The following CSMD3 variants were observed in gnomAD, a reference collection of about 807,000 sequenced individuals.
The protein encoded by CSMD3 is CUB and sushi domain-containing protein 3.
In CSMD3, 177 loss-of-function variants were observed where a neutral mutation model predicts 435.2. The observed-to-expected ratio is 0.41, with a 90% CI of 0.36 to 0.46. The LOEUF (loss-of-function observed/expected upper bound fraction) is 0.46, where lower values mean the gene tolerates loss of function less well. CSMD3 is among the 20% of genes least tolerant of loss of function. CSMD3 has a pLI of 0.34. For missense variants in CSMD3, 4,265 were observed against 4,504.6 expected, an observed-to-expected ratio of 0.95 and a Z score of 1.52; for synonymous variants, 1,656 against 1,520.5, an observed-to-expected ratio of 1.09 and a Z score of -2.07.
intron 3 of CSMD3, among the ~76,000 whole-genome samples, chr8:113,257,409 T>C (rs1464182772): frequency 6.6e-6 from 1 of 152,030 alleles, no homozygotes; most frequent in Non-Finnish European, 1.5e-5. Context: ...AGACTCTGTC[T>C]CAAAAACAAA....
intron 3 of CSMD3, among the ~76,000 whole-genome samples, chr8:113,187,838 T>C (rs1371419922): frequency 6.6e-6 from 1 of 151,972 alleles, no homozygotes; most frequent in Admixed American, 6.6e-5. Flanking sequence ...TCTCACCTGA[T>C]GATCATGATC....
intron 13 of CSMD3, among the ~76,000 whole-genome samples, chr8:112,774,725 G>C (rs2078204737): frequency 6.6e-6 from 1 of 151,820 alleles, no homozygotes; most frequent in African/African-American, 2.4e-5. Flanking sequence ...GATTCTATTG[G>C]CTTTAAAACC....
At chr8:112,550,312 C>G (rs1294645949) in intron 27 of CSMD3, among the ~76,000 whole-genome samples, 2 of 151,898 alleles carry the variant, frequency 1.3e-5, no homozygotes, top group East Asian at 3.9e-4. Flanking sequence ...AGCAAGTAGT[C>G]ATTTCCTTCC....
At chr8:112,370,344 A>T (rs1469086636) in intron 38 of CSMD3, among the ~76,000 whole-genome samples, 1 of 152,198 alleles carries the variant, frequency 6.6e-6, no homozygotes, top group Non-Finnish European at 1.5e-5. Context: ...AAGAATGCTA[A>T]TTACAATTAT....
chr8:112,434,568 T>C (rs1469277207), intron 32 of CSMD3, among the ~76,000 whole-genome samples: 1 of 152,120 alleles, frequency 6.6e-6, no homozygotes, highest in Non-Finnish European at 1.5e-5. Flanking sequence ...TACTTTGCTT[T>C]TTCCCAGAAT....
At chr8:113,326,195 T>C (rs1485531970) in intron 1 of CSMD3, among the ~76,000 whole-genome samples, 1 of 152,152 alleles carries the variant, frequency 6.6e-6, no homozygotes, top group Non-Finnish European at 1.5e-5. Flanking sequence ...AGACTCCACA[T>C]TTTACGGTTC....
At chr8:113,012,889 A>G (rs1318548992) in intron 6 of CSMD3, among the ~76,000 whole-genome samples, 1 of 152,082 alleles carries the variant, frequency 6.6e-6, no homozygotes, top group East Asian at 1.9e-4. Flanking sequence ...AGAATCATAA[A>G]TACAACTCAT....
chr8:112,619,889 T>C (rs1228840869), intron 22 of CSMD3, among the ~76,000 whole-genome samples: 1 of 151,996 alleles, frequency 6.6e-6, no homozygotes, highest in Non-Finnish European at 1.5e-5. Context: ...TATTATATAA[T>C]ACCCATGAGA....
chr8:112,774,434 G>A (rs770187196), intron 13 of CSMD3, among the ~76,000 whole-genome samples: 7 of 151,924 alleles, frequency 4.6e-5, no homozygotes, highest in Non-Finnish European at 1.0e-4. Context: ...TCCATATAAA[G>A]AGCCCAAATC....
chr8:112,247,182 T>C, intron 63 of CSMD3, 51 bp from the exon 64 acceptor site: 1 of 1,125,458 alleles, frequency 8.9e-7, no homozygotes, highest in African/African-American at 1.5e-5. Flanking sequence ...ACTTCAAATA[T>C]GGCAACAAAC....
intron 11 of CSMD3, among the ~76,000 whole-genome samples, chr8:112,855,981 A>G (rs889376913): frequency 1.3e-5 from 2 of 151,944 alleles, no homozygotes; most frequent in Non-Finnish European, 2.9e-5. Context: ...AAACAAGTAT[A>G]AGAGGGAAAT....
chr8:113,329,774 C>T (rs79110014), intron 1 of CSMD3, among the ~76,000 whole-genome samples: 286 of 151,476 alleles, frequency 1.9e-3, no homozygotes, highest in South Asian at 9.8e-3. Context: ...ATGATTAAGG[C>T]CAAAAGTTGT....
intron 13 of CSMD3, among the ~76,000 whole-genome samples, chr8:112,770,804 T>C (rs569090405): frequency 6.6e-6 from 1 of 152,154 alleles, no homozygotes; most frequent in Non-Finnish European, 1.5e-5. Flanking sequence ...AGAATGAGAC[T>C]TGTAATAAGA....
At chr8:113,053,590 G>A (rs2131335891) in intron 5 of CSMD3, among the ~76,000 whole-genome samples, 1 of 151,938 alleles carries the variant, frequency 6.6e-6, no homozygotes, top group East Asian at 1.9e-4. Flanking sequence ...ATATACTTAT[G>A]AACTTACTTA....
chr8:112,771,501 C>T (rs1217522864), intron 13 of CSMD3, among the ~76,000 whole-genome samples: 8 of 151,242 alleles, frequency 5.3e-5, no homozygotes, highest in East Asian at 2.0e-4. Context: ...ATCGTGCCAA[C>T]GCACTCCAGC....
chr8:113,224,381 A>G (rs575741155), intron 3 of CSMD3, among the ~76,000 whole-genome samples: 1 of 151,386 alleles, frequency 6.6e-6, no homozygotes, highest in Admixed American at 6.6e-5. Flanking sequence ...AACAACAAAC[A>G]TATTTTGTGA....
intron 3 of CSMD3, among the ~76,000 whole-genome samples, chr8:113,248,728 A>G (rs1267826621): frequency 6.6e-6 from 1 of 151,644 alleles, no homozygotes; most frequent in East Asian, 1.9e-4. Flanking sequence ...CACCACACGT[A>G]TAATACACAT....
chr8:112,356,227 CG>C (rs1316422109), intron 38 of CSMD3, among the ~76,000 whole-genome samples: 1 of 151,994 alleles, frequency 6.6e-6, no homozygotes, highest in Non-Finnish European at 1.5e-5. Context: ...CACATGCACT[CG>C]TATGTTTATC....
intron 25 of CSMD3, among the ~76,000 whole-genome samples, chr8:112,554,975 C>T (rs369010097): frequency 6.6e-6 from 1 of 151,868 alleles, no homozygotes; most frequent in African/African-American, 2.4e-5. Context: ...TTAATCATTG[C>T]GAGTAGAGAA....
Sources: gnomAD v4.1 joint callset for allele counts (sites outside exome capture counted in the v4.1 genomes callset) on GRCh38, gnomAD v4.1.1 for gene constraint, MANE v1.5 for transcripts, NCBI Gene and HGNC (gene_info 2026-07-23, HGNC 2026-07-21) for gene names.